Variants in METTL8 observed in about 807,000 individuals in gnomAD.
METTL8 encodes the protein methyltransferase 8, tRNA N3-cytidine, also known as tRNA N(3)-cytidine methyltransferase METTL8, mitochondrial.
METTL8 carries 32 observed loss-of-function variants against 48.7 expected under a neutral mutation model. The observed-to-expected ratio is 0.66, with a 90% CI of 0.50 to 0.88. The LOEUF is 0.88. Among genes scored for constraint, METTL8 ranks in the 40% least tolerant of loss-of-function variants. The pLI is 0.00. For synonymous variants in METTL8, 136 were observed against 157.1 expected (o/e 0.87, Z 1.01); for missense variants, 464 against 474.4 (o/e 0.98, Z 0.20).
chr2:171,378,575 T>C (rs186324999), intron 2 of METTL8, among the ~76,000 whole-genome samples: 2 of 152,080 alleles, frequency 1.3e-5, no homozygotes, highest in Admixed American at 1.3e-4. Flanking sequence ...GAGGTTGCAG[T>C]GAGCTAGACC....
chr2:171,331,052 C>G (rs1266840357), intron 6 of METTL8, among the ~76,000 whole-genome samples: 1 of 152,120 alleles, frequency 6.6e-6, no homozygotes, highest in Admixed American at 6.6e-5. Flanking sequence ...CATGGGCAGG[C>G]ATACATTCTA....
At chr2:171,324,468 C>T in intron 9 of METTL8, 106 bp from the exon 10 acceptor site, 2 of 1,000,748 alleles carry the variant, frequency 2.0e-6, no homozygotes, top group Admixed American at 2.8e-5. Context: ...TTCATTTATA[C>T]AAGAAACACT....
intron 3 of METTL8, among the ~76,000 whole-genome samples, chr2:171,353,347 T>C (rs1386853105): frequency 6.6e-6 from 1 of 152,220 alleles, no homozygotes; most frequent in African/African-American, 2.4e-5. Context: ...TTGTTATAAT[T>C]TCTGTTCTTT....
At chr2:171,380,451 G>A (rs1687402887) in intron 2 of METTL8, among the ~76,000 whole-genome samples, 1 of 152,180 alleles carries the variant, frequency 6.6e-6, no homozygotes, top group South Asian at 2.1e-4. Flanking sequence ...AAGAGAGGAA[G>A]CCAAATTGTC....
rs1474386358 is a variant in METTL8 at position 171,318,855 on chromosome 2, T to C, written c.*5317A>G. ...CATTACAAGAGCAGCAAGTAGAGGT[T>C]TTGGAATCAGAGAGTTCTGGGTCCG... On this transcript the variant is annotated 3_prime_UTR_variant, in exon 10 of 10. Transcript: ENST00000375258. 6.6e-6 allele frequency: 1 copy of C among 151,920 alleles called. No individual in the cohort carries two copies. Among genetic ancestry groups the C allele is most frequent in the Admixed American group, 6.6e-5 (1 of 15,222 alleles). The allele number at this position is 151,920 out of a possible 1,614,324, so 9.4% of individuals were successfully genotyped here.
chr2:171,336,863 C>CTTTTTTTTTTT (rs71013037), intron 5 of METTL8, among the ~76,000 whole-genome samples: 2 of 88,110 alleles, frequency 2.3e-5, no homozygotes, highest in Admixed American at 1.3e-4. Context: ...ATCACTTCCT[C>CTTTTTTTTTTT]TTTTTTTTTT....
intron 2 of METTL8, among the ~76,000 whole-genome samples, chr2:171,389,798 G>C (rs1688420099): frequency 6.6e-6 from 1 of 152,196 alleles, no homozygotes. Context: ...TAGCATAAAA[G>C]TACAAAGCAA....
intron 1 of METTL8, among the ~76,000 whole-genome samples, chr2:171,431,538 T>C (rs543137463): frequency 1.3e-5 from 2 of 152,358 alleles, no homozygotes; most frequent in African/African-American, 2.4e-5. Context: ...CATCAAGAGC[T>C]GTTTTGTTGC....
intron 2 of METTL8, among the ~76,000 whole-genome samples, chr2:171,384,663 C>T (rs1342511813): frequency 1.3e-5 from 2 of 150,988 alleles, no homozygotes; most frequent in Non-Finnish European, 3.0e-5. Flanking sequence ...GACCCCACCT[C>T]TACAAAAAAA....
rs566678148 is a variant in METTL8, at chr2:171,387,840, G to C, written c.143+4203C>G. 5.9e-5 allele frequency among the ~76,000 whole-genome samples: 9 copies of C among 152,066 alleles called. No homozygotes were observed. In the East Asian group the frequency reaches 1.2e-3, roughly 20 times the overall value. ...TATTCCCTTTCAAAATTGAGATTCG[G>C]TTGCAATAAAAACATAAAAAGCCCA... is the stretch of plus-strand genomic sequence containing the variant. On this transcript the variant is annotated intron_variant, in intron 2 of 9. Coordinates refer to ENST00000375258, the MANE Select transcript of METTL8 (RefSeq NM_001321154.2).
chr2:171,372,600 A>G (rs1305129622), intron 2 of METTL8, among the ~76,000 whole-genome samples: 1 of 151,998 alleles, frequency 6.6e-6, no homozygotes, highest in Non-Finnish European at 1.5e-5. Context: ...CGTCATTTAC[A>G]TTAGGTACAT....
intron 5 of METTL8, among the ~76,000 whole-genome samples, chr2:171,334,702 C>G (rs1685900245): frequency 6.6e-6 from 1 of 152,026 alleles, no homozygotes; most frequent in African/African-American, 2.4e-5. Context: ...ATTTCTAAAA[C>G]ATAGGTATGA....
rs574344218 is a variant in METTL8, at chr2:171,320,905, T to G, written c.*3267A>C. On this transcript the variant is annotated 3_prime_UTR_variant, in exon 10 of 10. Coordinates refer to ENST00000375258, the MANE Select transcript of METTL8 (RefSeq NM_001321154.2). ...ATTTATAAGACACCATATCTCAAAC[T>G]GATCTCAGATGGCTCCAGTTCAGAG... 1 of 152,322 alleles carries G rather than the reference T, an allele frequency of 6.6e-6. No homozygotes were observed. The highest frequency in any genetic ancestry group is 1.9e-4 in the East Asian group (1 of 5,180). The allele number at this position is 152,322 out of a possible 1,614,324, so 9.4% of individuals were successfully genotyped here.
chr2:171,381,093 G>T (rs1416614336), intron 2 of METTL8, among the ~76,000 whole-genome samples: 1 of 152,050 alleles, frequency 6.6e-6, no homozygotes, highest in East Asian at 1.9e-4. Flanking sequence ...ATTAAACAGA[G>T]AAATAAGTCC....
At chr2:171,343,370 C>T (rs944103842) in intron 3 of METTL8, among the ~76,000 whole-genome samples, 4 of 151,880 alleles carry the variant, frequency 2.6e-5, no homozygotes, top group African/African-American at 7.3e-5. Context: ...ACCCGGGAGG[C>T]GGAGGTTGCG....
rs116951054 is a variant in METTL8 at position 171,363,037 on chromosome 2, C to A, written c.144-2524G>T. ...CCCTGGGAAGAATCAAGCTGTGAGA[C>A]AGTAAGAGTATATGTGGTCTTCCGC... On this transcript the variant is annotated intron_variant, in intron 2 of 9. Transcript: ENST00000375258. 1.7e-4 allele frequency among the ~76,000 whole-genome samples: 26 copies of A among 152,260 alleles called. No individual in the cohort carries two copies. In the East Asian group the frequency reaches 4.4e-3, roughly 26 times the overall value.
At chr2:171,353,227 C>G (rs1215748749) in intron 3 of METTL8, among the ~76,000 whole-genome samples, 2 of 152,138 alleles carry the variant, frequency 1.3e-5, no homozygotes, top group African/African-American at 4.8e-5. Flanking sequence ...TCATTATGTA[C>G]CCAGTAGTCA....
At chr2:171,405,546 A>G (rs771546634) in intron 1 of METTL8, among the ~76,000 whole-genome samples, 4 of 152,234 alleles carry the variant, frequency 2.6e-5, no homozygotes, top group Non-Finnish European at 5.9e-5. Flanking sequence ...GATGACTGAC[A>G]GGCAGAGGAG....
chr2:171,355,238 G>A (rs1030331345), intron 3 of METTL8, among the ~76,000 whole-genome samples: 11 of 152,292 alleles, frequency 7.2e-5, no homozygotes, highest in South Asian at 4.1e-4. Flanking sequence ...GGTCCACTCC[G>A]GACCCTGTTA....
Sources: allele counts gnomAD v4.1 joint callset (sites outside exome capture counted in the v4.1 genomes callset), GRCh38; gene constraint gnomAD v4.1.1; transcripts MANE v1.5; gene names NCBI Gene and HGNC (gene_info 2026-07-23, HGNC 2026-07-21).